Variants in LSM6 observed in about 807,000 individuals in gnomAD.
LSM6 encodes U6 snRNA-associated Sm-like protein LSm6.
A neutral mutation model predicts 13.5 loss-of-function variants in LSM6; 2 were observed. That is an observed-to-expected ratio of 0.15 (90% CI 0.06 to 0.47). The LOEUF is 0.47. Ranked by LOEUF, LSM6 falls within the 20% of genes least tolerant of loss-of-function variation. The pLI is 0.97. For missense variants in LSM6, 58 were observed against 96.4 expected (o/e 0.60, Z 1.67); for synonymous variants, 43 against 34.9 (o/e 1.23, Z -0.82).
intron 2 of LSM6, among the ~76,000 whole-genome samples, chr4:146,183,920 T>C (rs1455323709): frequency 6.7e-6 from 1 of 148,576 alleles, no homozygotes; most frequent in Non-Finnish European, 1.5e-5. Flanking sequence ...TCACCCAGGC[T>C]GGAGTGCAGC....
At chr4:146,178,761 C>T (rs1391421943) in intron 1 of LSM6, among the ~76,000 whole-genome samples, 1 of 152,162 alleles carries the variant, frequency 6.6e-6, no homozygotes, top group African/African-American at 2.4e-5. Context: ...CACTTTGTCA[C>T]GTTAGGTATT....
In LSM6 at chr4:146,178,425, A is replaced by T. The variant is rs150020146; in HGVS notation, c.-11+2614A>T. ...GCCGAGGAAGGAGGGATTGGTATGA[A>T]GCCTTCAAAAGACAGCGAGGAACTC... On this transcript the variant is annotated intron_variant, in intron 1 of 3. Coordinates refer to ENST00000296581, the MANE Select transcript of LSM6 (RefSeq NM_007080.3). Among the ~76,000 whole-genome samples the T allele has an allele frequency of 9.4e-3, 1,429 of 152,310 alleles. 14 individuals carry two copies. The highest frequency in any genetic ancestry group is 0.014 in the Non-Finnish European group (970 of 68,012).
chr4:146,189,638 A>G lies in LSM6; in HGVS notation c.225A>G (p.Thr75=). 6.2e-7 allele frequency: 1 copy of G among 1,601,548 alleles called. No homozygotes were observed. The highest frequency in any genetic ancestry group is 2.2e-5 in the East Asian group (1 of 44,668). Residue 75 remains threonine (T), a synonymous_variant, in exon 4 of 4, where the codon ACA becomes ACG. Coordinates refer to ENST00000296581, the MANE Select transcript of LSM6 (RefSeq NM_007080.3). ...TCTTTTCAGTGTTGTACATCAGTAC[A>G]CAGAAGAGACGGATGTGAAGACACC... ...IRGNNVLYIS[T]QKRRM
intron 1 of LSM6, 36 bp downstream of exon 1, chr4:146,175,847 CG>C (rs1204941246): frequency 1.3e-5 from 2 of 152,370 alleles, no homozygotes; most frequent in African/African-American, 4.8e-5. Flanking sequence ...ACGACGGGGC[CG>C]GGCGCAGCCC....
At chr4:146,187,903 T>C (rs1396467053) in intron 3 of LSM6, among the ~76,000 whole-genome samples, 1 of 152,254 alleles carries the variant, frequency 6.6e-6, no homozygotes, top group Non-Finnish European at 1.5e-5. Context: ...ATTTTTATAG[T>C]TATTTTTAAG....
intron 2 of LSM6, 169 bp downstream of exon 2, chr4:146,183,184 C>T (rs1730269368): frequency 2.0e-6 from 1 of 512,328 alleles, no homozygotes; most frequent in Non-Finnish European, 3.6e-6. Context: ...TTTAGAAGGA[C>T]AACTCTGACA....
At chr4:146,180,807 G>A (rs1730216199) in intron 1 of LSM6, 1 of 152,202 alleles carries the variant, frequency 6.6e-6, no homozygotes, top group South Asian at 2.1e-4. Flanking sequence ...CATCAGTTGA[G>A]TATCAGGCCT....
intron 2 of LSM6, 105 bp downstream of exon 2, chr4:146,183,120 T>G: frequency 1.4e-6 from 1 of 718,104 alleles, no homozygotes; most frequent in Non-Finnish European, 2.5e-6. Flanking sequence ...AAAAAAGTAC[T>G]GGTCATCAGT....
At chr4:146,176,681 A>C (rs986038198) in intron 1 of LSM6, 5 of 151,922 alleles carry the variant, frequency 3.3e-5, no homozygotes, top group African/African-American at 1.2e-4. Flanking sequence ...ATATTATTCT[A>C]ATTTTGTATC....
intron 2 of LSM6, 45 bp from the exon 3 acceptor site, chr4:146,187,221 TTTCAACTC>T (rs749381690): frequency 1.0e-6 from 1 of 979,714 alleles, no homozygotes; most frequent in Non-Finnish European, 1.6e-6. Context: ...ACCCTGTAAT[TTTCAACTC>T]TTATTTGCCT....
chr4:146,182,907 T>C lies in LSM6; in HGVS notation c.-10-5T>C, dbSNP rs750474660. Reference sequence around the variant, plus strand: ...TTTATTGTTCCTTTTCATATTTTGATTTAGGATTGTTAAAATGAGTCTTCG... The same window carrying C: ...TTTATTGTTCCTTTTCATATTTTGACTTAGGATTGTTAAAATGAGTCTTCG... On this transcript the variant is annotated splice_polypyrimidine_tract_variant and splice_region_variant and intron_variant, in intron 1 of 3. Coordinates refer to ENST00000296581, the MANE Select transcript of LSM6 (RefSeq NM_007080.3). The C allele has an allele frequency of 1.5e-4, 228 of 1,541,244 alleles. No individual in the cohort carries two copies. Among genetic ancestry groups the C allele is most frequent in the Middle Eastern group, 5.0e-4 (3 of 5,944 alleles).
At chr4:146,184,848 C>A (rs1364736294) in intron 2 of LSM6, among the ~76,000 whole-genome samples, 1 of 151,934 alleles carries the variant, frequency 6.6e-6, no homozygotes, top group Non-Finnish European at 1.5e-5. Flanking sequence ...GCCAAGGATC[C>A]CCAATGCTAC....
At chr4:146,183,165 A>T in intron 2 of LSM6, 150 bp downstream of exon 2, 2 of 548,760 alleles carry the variant, frequency 3.6e-6, no homozygotes, top group Non-Finnish European at 6.6e-6. Flanking sequence ...TATCTCTGAG[A>T]TCATTCCTTT....
At chr4:146,180,079 TTC>T (rs1158133243) in intron 1 of LSM6, among the ~76,000 whole-genome samples, 3 of 152,236 alleles carry the variant, frequency 2.0e-5, no homozygotes, top group Non-Finnish European at 2.9e-5. Context: ...CTTTTCTGAC[TTC>T]TCTTCTTTCA....
intron 1 of LSM6, among the ~76,000 whole-genome samples, chr4:146,181,585 A>C (rs1330281459): frequency 6.6e-6 from 1 of 152,240 alleles, no homozygotes; most frequent in Non-Finnish European, 1.5e-5. Context: ...AGAATGAAAT[A>C]AGCATAGTGG....
chr4:146,176,060 C>T (rs1016482954), intron 1 of LSM6: 2 of 152,286 alleles, frequency 1.3e-5, no homozygotes. Context: ...TGGTGGGCGC[C>T]GGGACCGCCC....
rs1425490511 is a variant in LSM6, at chr4:146,190,388, C to G, written c.*732C>G. The stretch of plus-strand genomic sequence containing the variant: ...CAGGAGCATTGGCATCAACGTTATT[C>G]TCTCAGTTTATGAACACAGTAGGGG... On this transcript the variant is annotated 3_prime_UTR_variant, in exon 4 of 4. Coordinates refer to ENST00000296581, the MANE Select transcript of LSM6 (RefSeq NM_007080.3). 6.6e-6 allele frequency: 1 copy of G among 152,294 alleles called. No homozygotes were observed. Among genetic ancestry groups the G allele is most frequent in the Non-Finnish European group, 1.5e-5 (1 of 68,126 alleles). 9.4% of individuals were successfully genotyped at this position (152,294 alleles called of 1,614,324 possible). A position where few individuals can be genotyped will look rare whatever the true frequency, so the allele number is the denominator to read the frequency against.
chr4:146,182,181 G>A lies in LSM6; in HGVS notation c.-10-731G>A, dbSNP rs188561581. Among the ~76,000 whole-genome samples the A allele has an allele frequency of 3.2e-3, 494 of 152,122 alleles. 4 individuals carry two copies. The highest frequency in any genetic ancestry group is 0.011 in the African/African-American group (442 of 41,506). On this transcript the variant is annotated intron_variant, in intron 1 of 3. Coordinates refer to ENST00000296581, the MANE Select transcript of LSM6 (RefSeq NM_007080.3). Reference sequence around the variant, plus strand: ...GTCTTCTTCTTCATGTGTAAAATGAGGATAAAAACAATACCTCCCTTTTAG... The same window carrying A: ...GTCTTCTTCTTCATGTGTAAAATGAAGATAAAAACAATACCTCCCTTTTAG...
At chr4:146,179,768 C>T (rs1436068323) in intron 1 of LSM6, among the ~76,000 whole-genome samples, 1 of 152,218 alleles carries the variant, frequency 6.6e-6, no homozygotes, top group Non-Finnish European at 1.5e-5. Context: ...CATCTGCACT[C>T]TGCTATGGAA....
Sources: allele counts gnomAD v4.1 joint callset (sites outside exome capture counted in the v4.1 genomes callset), GRCh38; gene constraint gnomAD v4.1.1; transcripts MANE v1.5; gene names NCBI Gene and HGNC (gene_info 2026-07-23, HGNC 2026-07-21).